IL1RAPL2: variants seen among roughly 807,000 people sequenced by gnomAD.
The protein encoded by IL1RAPL2 is interleukin 1 receptor accessory protein like 2, also known as X-linked interleukin-1 receptor accessory protein-like 2.
Under a neutral mutation model 44.1 loss-of-function variants are expected in IL1RAPL2, and 3 were observed. The observed-to-expected ratio is 0.07, with a 90% CI of 0.03 to 0.18. The LOEUF is 0.18. IL1RAPL2 is among the 10% of genes least tolerant of loss of function. IL1RAPL2 has a pLI of 1.00. For missense variants in IL1RAPL2, 391 were observed against 496.4 expected (o/e 0.79, Z 2.02); for synonymous variants, 181 against 178.8 (o/e 1.01, Z -0.10).
At chrX:105,393,058 C>A (rs1164098839) in intron 5 of IL1RAPL2, among the ~76,000 whole-genome samples, 1 of 112,574 alleles carries the variant, frequency 8.9e-6, no homozygotes, top group Non-Finnish European at 1.9e-5. Flanking sequence ...TGCAGCAATG[C>A]AGTAAAGAAA....
At chrX:104,761,219 C>T (rs1932421533) in intron 2 of IL1RAPL2, among the ~76,000 whole-genome samples, 1 of 111,196 alleles carries the variant, frequency 9.0e-6, no homozygotes, top group Non-Finnish European at 1.9e-5. Context: ...GGGGAGGCCT[C>T]AGGAAACTTA....
chrX:105,603,246 A>G, intron 6 of IL1RAPL2, among the ~76,000 whole-genome samples: 1 of 98,118 alleles, frequency 1.0e-5, no homozygotes, highest in Middle Eastern at 5.6e-3. Context: ...GGATCCAAAA[A>G]AAAAAAAAAG....
At chrX:105,403,514 C>A (rs1034313060) in intron 5 of IL1RAPL2, among the ~76,000 whole-genome samples, 4 of 111,464 alleles carry the variant, frequency 3.6e-5, no homozygotes, top group Non-Finnish European at 7.5e-5. Context: ...AATTTGGTTG[C>A]AGATGCTCAT....
chrX:105,260,801 C>T (rs1193019643), intron 4 of IL1RAPL2, among the ~76,000 whole-genome samples: 8 of 112,596 alleles, frequency 7.1e-5, no homozygotes, highest in African/African-American at 2.6e-4. Context: ...ACCCAAACAG[C>T]AAAGATTCCC....
intron 2 of IL1RAPL2, among the ~76,000 whole-genome samples, chrX:104,800,007 G>A (rs1245173213): frequency 2.2e-5 from 2 of 91,678 alleles, no homozygotes; most frequent in Non-Finnish European, 4.3e-5. Flanking sequence ...TGATTTCAGG[G>A]ATTTACCTCC....
chrX:105,410,692 G>A (rs1271633236), intron 5 of IL1RAPL2, among the ~76,000 whole-genome samples: 3 of 111,836 alleles, frequency 2.7e-5, no homozygotes, highest in Middle Eastern at 4.6e-3. Flanking sequence ...CAGAAATGAA[G>A]TAGGAATAAA....
At chrX:104,758,516 A>C (rs903718714) in intron 2 of IL1RAPL2, among the ~76,000 whole-genome samples, 4 of 111,170 alleles carry the variant, frequency 3.6e-5, no homozygotes, top group African/African-American at 1.3e-4. Flanking sequence ...AAAAGAGAAA[A>C]CCGTCAGTGT....
At chrX:104,827,316 C>T (rs1193968724) in intron 2 of IL1RAPL2, among the ~76,000 whole-genome samples, 2 of 110,964 alleles carry the variant, frequency 1.8e-5, no homozygotes, top group Non-Finnish European at 3.8e-5. Context: ...CTAAGGCAGG[C>T]CTGGTGGTGA....
At chrX:104,917,632 G>T (rs1002718192) in intron 2 of IL1RAPL2, among the ~76,000 whole-genome samples, 1 of 111,725 alleles carries the variant, frequency 9.0e-6, no homozygotes, top group African/African-American at 3.3e-5. Flanking sequence ...AACCTAGAAT[G>T]GGTTATCTTA....
intron 6 of IL1RAPL2, among the ~76,000 whole-genome samples, chrX:105,647,206 G>A (rs752331170): frequency 8.9e-6 from 1 of 112,224 alleles, no homozygotes; most frequent in South Asian, 3.7e-4. Context: ...CAGATCCGGA[G>A]GGGTGGAAGC....
intron 6 of IL1RAPL2, among the ~76,000 whole-genome samples, chrX:105,716,610 G>T (rs1459952854): frequency 1.8e-5 from 2 of 111,448 alleles, no homozygotes; most frequent in African/African-American, 6.5e-5. Context: ...GACATACCCA[G>T]AAATAATGCA....
chrX:104,753,234 CT>C (rs1345774086), intron 2 of IL1RAPL2, among the ~76,000 whole-genome samples: 1 of 109,539 alleles, frequency 9.1e-6, no homozygotes, highest in African/African-American at 3.3e-5. Context: ...AAATCCTATC[CT>C]CTGAGACATT....
chrX:105,396,329 T>A (rs1333763339), intron 5 of IL1RAPL2, among the ~76,000 whole-genome samples: 1 of 106,616 alleles, frequency 9.4e-6, no homozygotes, highest in South Asian at 4.5e-4. Flanking sequence ...CCTTCCTTTT[T>A]TTAATAAAGT....
intron 6 of IL1RAPL2, among the ~76,000 whole-genome samples, chrX:105,613,521 G>A (rs2037351349): frequency 1.8e-5 from 2 of 112,112 alleles, no homozygotes; most frequent in Non-Finnish European, 1.9e-5. Context: ...CACCAAGTGG[G>A]CACTTAGGGT....
At chrX:104,748,857 G>T (rs189786870) in intron 2 of IL1RAPL2, among the ~76,000 whole-genome samples, 1 of 111,585 alleles carries the variant, frequency 9.0e-6, no homozygotes, top group Non-Finnish European at 1.9e-5. Context: ...CTAAGTTGTG[G>T]AGTGGCTTAT....
At chrX:105,159,501 T>G (rs1490520571) in intron 2 of IL1RAPL2, among the ~76,000 whole-genome samples, 6 of 112,553 alleles carry the variant, frequency 5.3e-5, no homozygotes, top group African/African-American at 1.9e-4. Flanking sequence ...GGCTTGGTTT[T>G]TCTGTACCAA....
intron 2 of IL1RAPL2, among the ~76,000 whole-genome samples, chrX:104,760,576 G>A (rs377117501): frequency 1.2e-4 from 13 of 111,736 alleles, no homozygotes; most frequent in East Asian, 5.6e-4. Flanking sequence ...CCATTTGTAC[G>A]TCTTCTTTTG....
At chrX:105,702,271 G>C (rs2038125703) in intron 6 of IL1RAPL2, among the ~76,000 whole-genome samples, 1 of 111,351 alleles carries the variant, frequency 9.0e-6, no homozygotes, top group Non-Finnish European at 1.9e-5. Context: ...GCACTCCCCT[G>C]TTCTCTTTCT....
At chrX:105,466,588 ACT>A (rs2036132136) in intron 5 of IL1RAPL2, among the ~76,000 whole-genome samples, 1 of 111,683 alleles carries the variant, frequency 9.0e-6, no homozygotes, top group East Asian at 2.8e-4. Flanking sequence ...TTCATCTGTC[ACT>A]CTTTCTTTAC....
Sources: allele counts gnomAD v4.1 joint callset (sites outside exome capture counted in the v4.1 genomes callset), GRCh38; gene constraint gnomAD v4.1.1; transcripts MANE v1.5; gene names NCBI Gene and HGNC (gene_info 2026-07-23, HGNC 2026-07-21).